The following CLCN6 variants were observed in gnomAD, a reference collection of about 807,000 sequenced individuals.
The protein encoded by CLCN6 is Cl-/H+ antiporter 6.
Under a neutral mutation model 109.8 loss-of-function variants are expected in CLCN6, and 70 were observed. The ratio of observed to expected loss-of-function variants is 0.64; its 90% CI spans 0.53 to 0.78. The LOEUF (loss-of-function observed/expected upper bound fraction) is 0.78, where lower values mean the gene tolerates loss of function less well. Ranked by LOEUF, CLCN6 falls within the 30% of genes least tolerant of loss-of-function variation. The pLI, the probability that CLCN6 is intolerant of heterozygous loss-of-function variation, is 0.00. For missense variants in CLCN6, 984 were observed against 1,142.3 expected (o/e 0.86, Z 2.00); for synonymous variants, 444 against 447.8 (o/e 0.99, Z 0.11).
intron 7 of CLCN6, 107 bp downstream of exon 7, chr1:11,823,940 C>CAGCTGATG (rs1161116774): frequency 1.4e-6 from 2 of 1,421,022 alleles, no homozygotes; most frequent in East Asian, 2.3e-5. Context: ...CAGCCTCAAA[C>CAGCTGATG]AGCTGATGTC....
rs1644836822 is a variant in CLCN6 at position 11,828,205 on chromosome 1, T to C, written c.940T>C (p.Phe314Leu). The stretch of plus-strand genomic sequence containing the variant: ...CTTCCAGCTCCCTGGATTGCTGAAC[T>C]TTGGCGAGTTTAAGGTATGTTTTGT... ...GSFQLPGLLN[F>L]GEFKCSDSDK... The change falls in exon 11 of 23, where the codon TTT (phenylalanine) becomes CTT (leucine). Residue 314 changes from phenylalanine to leucine, a missense_variant. Transcript: ENST00000346436. 1.9e-6 allele frequency: 3 copies of C among 1,613,790 alleles called. No individual in the cohort carries two copies. Among genetic ancestry groups the C allele is most frequent in the Non-Finnish European group, 1.7e-6 (2 of 1,179,676 alleles).
intron 11 of CLCN6, 100 bp downstream of exon 11, chr1:11,828,319 T>G (rs1344564008): frequency 4.2e-6 from 6 of 1,429,756 alleles, no homozygotes; most frequent in Non-Finnish European, 5.9e-6. Context: ...TAGGTACAAC[T>G]TCCAGGGACA....
At position 11,826,290 on chromosome 1, in the gene CLCN6, C is replaced by G. The variant is rs1048702469; in HGVS notation, c.707+76C>G. 7.4e-6 allele frequency: 9 copies of G among 1,222,456 alleles called. No individual in the cohort carries two copies. The South Asian group carries it at 8.5e-5, about 12-fold the overall frequency. The allele number at this position is 1,222,456 out of a possible 1,614,324, so 75.7% of individuals were successfully genotyped here. ...CGCTGCGGGTCAGACTCGACACTTG[C>G]TCTAGCCTGGCAGTATCCCCTGCGG... On this transcript the variant is annotated intron_variant, in intron 9 of 22. Coordinates refer to ENST00000346436, the MANE Select transcript of CLCN6 (RefSeq NM_001286.5).
At chr1:11,823,581 T>G in intron 6 of CLCN6, 126 bp from the exon 7 acceptor site, 1 of 1,290,094 alleles carries the variant, frequency 7.8e-7, no homozygotes, top group South Asian at 1.4e-5. Flanking sequence ...CTGCAAGCCC[T>G]CCAGGTGACG....
At chr1:11,819,435 C>T in intron 4 of CLCN6, 53 bp from the exon 5 acceptor site, 1 of 1,514,032 alleles carries the variant, frequency 6.6e-7, no homozygotes, top group Non-Finnish European at 9.2e-7. Flanking sequence ...CTGTACTATA[C>T]TTGTGCTACA....
rs1392874369 is a variant in CLCN6, at chr1:11,822,727, G to A, written c.379G>A (p.Ala127Thr). 23 of 1,613,862 alleles carry A rather than the reference G, an allele frequency of 1.4e-5. No individual in the cohort carries two copies. In the Admixed American group the frequency reaches 1.5e-4, roughly 11 times the overall value. ...GGAGTGCAGCCAGAAAGGCTGCCTC[G>A]CTCTGTCTCTCCTTGAACTCCTGGG... ...VEECSQKGCL[A>T]LSLLELLGFN... Residue 127 changes from alanine to threonine, a missense_variant, in exon 6 of 23, where the codon GCT becomes ACT. Coordinates refer to ENST00000346436, the MANE Select transcript of CLCN6 (RefSeq NM_001286.5).
At position 11,839,272 on chromosome 1, in the gene CLCN6, G is replaced by C. The variant is rs543195396; in HGVS notation, c.2529+612G>C. Among the ~76,000 whole-genome samples the C allele has an allele frequency of 8.5e-5, 13 of 152,272 alleles. No individual in the cohort carries two copies. The South Asian group carries it at 1.0e-3, about 12-fold the overall frequency. Reference sequence around the variant, plus strand: ...GTCTTTTGTTGTTGTTGCTGTTGTTGTTGTTTTGAGACAGGGTCTCACTCT... The same window carrying C: ...GTCTTTTGTTGTTGTTGCTGTTGTTCTTGTTTTGAGACAGGGTCTCACTCT... On this transcript the variant is annotated intron_variant, in intron 22 of 22. Transcript: ENST00000346436.
In CLCN6 at chr1:11,838,674, C is replaced by T. The variant is rs746779788; in HGVS notation, c.2529+14C>T. 7 of 1,614,238 alleles carry T rather than the reference C, an allele frequency of 4.3e-6. No individual in the cohort carries two copies. The highest frequency in any genetic ancestry group is 2.7e-5 in the African/African-American group (2 of 75,060). On this transcript the variant is annotated intron_variant, in intron 22 of 22. Coordinates refer to ENST00000346436, the MANE Select transcript of CLCN6 (RefSeq NM_001286.5). ...GCTGTGGGAGAGGTGAGCGAGGCCCCGGCCCTGCCCCCACCTTTGAGAGAG... is the reference window on the plus strand; with the variant it reads ...GCTGTGGGAGAGGTGAGCGAGGCCCTGGCCCTGCCCCCACCTTTGAGAGAG...
rs1443375583 is a variant in CLCN6, at chr1:11,834,098, G to A, written c.1526+68G>A. ...TGCACGTGTGCGTGTGTATGCATGTGTGTGCGTGTGCGTGCGTTGATGTGT... is the reference window on the plus strand; with the variant it reads ...TGCACGTGTGCGTGTGTATGCATGTATGTGCGTGTGCGTGCGTTGATGTGT... On this transcript the variant is annotated intron_variant, in intron 15 of 22. Coordinates refer to ENST00000346436, the MANE Select transcript of CLCN6 (RefSeq NM_001286.5). This position sits in a 1 kb window ranked among gnomAD's most constrained non-coding sequence, Gnocchi z 4.5. 1.3e-6 allele frequency: 2 copies of A among 1,594,218 alleles called. No homozygotes were observed. The highest frequency in any genetic ancestry group is 1.7e-6 in the Non-Finnish European group (2 of 1,170,334).
At chr1:11,812,129 T>C (rs1217421399) in intron 2 of CLCN6, among the ~76,000 whole-genome samples, 2 of 151,698 alleles carry the variant, frequency 1.3e-5, no homozygotes, top group Non-Finnish European at 2.9e-5. Flanking sequence ...AAAAAAGTAG[T>C]AGGTTGTCAC....
rs1312037877 is a variant in CLCN6, at chr1:11,843,091, T to C, written c.*2868T>C. 2 of 152,258 alleles carry C rather than the reference T, an allele frequency of 1.3e-5. No individual in the cohort carries two copies. The highest frequency in any genetic ancestry group is 2.9e-5 in the Non-Finnish European group (2 of 68,048). The allele number at this position is 152,258 out of a possible 1,614,324, so 9.4% of individuals were successfully genotyped here. ...AACCTTTGGAACTTGGGAGTTCTCA[T>C]TGTAACCCTAACATGTGAGAATAAA... On this transcript the variant is annotated 3_prime_UTR_variant, in exon 23 of 23. Transcript: ENST00000346436.
chr1:11,830,737 T>TATTATATATATA (rs1359328796), intron 13 of CLCN6, among the ~76,000 whole-genome samples: 1 of 91,112 alleles, frequency 1.1e-5, no homozygotes, highest in African/African-American at 4.0e-5. Context: ...TATGTATATA[T>TATTATATATATA]TATATATATA....
chr1:11,813,022 A>T (rs1352611682), intron 2 of CLCN6, among the ~76,000 whole-genome samples: 2 of 152,204 alleles, frequency 1.3e-5, no homozygotes, highest in African/African-American at 2.4e-5. Flanking sequence ...AAAGAGAATC[A>T]TTCACAAGAT....
chr1:11,812,976 C>A (rs1193836199), intron 2 of CLCN6, among the ~76,000 whole-genome samples: 1 of 152,070 alleles, frequency 6.6e-6, no homozygotes, highest in African/African-American at 2.4e-5. Context: ...ACAAACTGTC[C>A]CAACCGTTGT....
At chr1:11,838,283 C>A in intron 20 of CLCN6, 52 bp from the exon 21 acceptor site, 1 of 1,534,202 alleles carries the variant, frequency 6.5e-7, no homozygotes, top group Non-Finnish European at 9.0e-7. Flanking sequence ...CTAAGGTGAC[C>A]CTGCTGGCCA....
At chr1:11,838,899 C>T (rs751653617) in intron 22 of CLCN6, 1 of 722,474 alleles carries the variant, frequency 1.4e-6, no homozygotes, top group South Asian at 1.5e-5. Flanking sequence ...CGCGCCTCTA[C>T]CAGGCTGTGT....
chr1:11,820,292 A>C, intron 5 of CLCN6: 1 of 693,122 alleles, frequency 1.4e-6, no homozygotes, highest in Non-Finnish European at 2.7e-6. Flanking sequence ...TGTCTTAAAA[A>C]AAATGATGCT....
rs199715608 is a variant in CLCN6, at chr1:11,840,129, T to C, written c.2530-14T>C. The C allele has an allele frequency of 3.7e-6, 6 of 1,613,160 alleles. No homozygotes were observed. The Admixed American group carries it at 6.7e-5, about 18-fold the overall frequency. On this transcript the variant is annotated splice_polypyrimidine_tract_variant and intron_variant, in intron 22 of 22. Transcript: ENST00000346436. The stretch of plus-strand genomic sequence containing the variant: ...TTTACCCTGAAGGTGACTCAGGCCT[T>C]CTCTTTGCCCTAGATCGTGGGGATC...
At chr1:11,811,977 C>G (rs546920325) in intron 2 of CLCN6, among the ~76,000 whole-genome samples, 2 of 152,076 alleles carry the variant, frequency 1.3e-5, no homozygotes, top group Non-Finnish European at 2.9e-5. Flanking sequence ...CTGCTAACAC[C>G]GATATGTGGA....
Sources: allele counts gnomAD v4.1 joint callset (sites outside exome capture counted in the v4.1 genomes callset), GRCh38; gene constraint gnomAD v4.1.1; non-coding constraint Gnocchi (gnomAD v3.1); transcripts MANE v1.5; gene names NCBI Gene and HGNC (gene_info 2026-07-23, HGNC 2026-07-21).